The following GTF2IRD1 variants were observed in gnomAD, a reference collection of about 807,000 sequenced individuals.
GTF2IRD1 encodes GTF2I repeat domain containing 1.
In GTF2IRD1, 26 loss-of-function variants were observed where a neutral mutation model predicts 113.2. That is an observed-to-expected ratio of 0.23 (90% CI 0.17 to 0.32). The LOEUF is 0.32. Among genes scored for constraint, GTF2IRD1 ranks in the 10% least tolerant of loss-of-function variants. The pLI is 1.00. For synonymous variants in GTF2IRD1, 484 were observed against 529.1 expected, an observed-to-expected ratio of 0.91 and a Z score of 1.17; for missense variants, 864 against 1,280.8, an observed-to-expected ratio of 0.67 and a Z score of 4.97.
At chr7:74,594,450 A>G (rs1308668734) in intron 24 of GTF2IRD1, among the ~76,000 whole-genome samples, 10 of 152,262 alleles carry the variant, frequency 6.6e-5, no homozygotes, top group African/African-American at 2.2e-4. Flanking sequence ...ATTTCTGATC[A>G]CTTGGTCAGA....
At chr7:74,563,346 G>A (rs1274418765) in intron 22 of GTF2IRD1, among the ~76,000 whole-genome samples, 35 of 151,886 alleles carry the variant, frequency 2.3e-4, no homozygotes, top group Admixed American at 1.3e-4. Flanking sequence ...TTGGGAGGCC[G>A]AAGTAGGCAG....
At position 74,535,139 on chromosome 7, in the gene GTF2IRD1, G is replaced by A; in HGVS notation, c.1300+1G>A. Reference sequence around the variant, plus strand: ...ATGTTTGATGAGCGAATTTTCACAGGTATGTGGGGACCATCTAGTCCATTC... The same window carrying A: ...ATGTTTGATGAGCGAATTTTCACAGATATGTGGGGACCATCTAGTCCATTC... On this transcript the variant is annotated splice_donor_variant, in intron 10 of 26. Transcript: ENST00000424337. LOFTEE classifies it high-confidence loss of function. 1 of 1,611,766 alleles carries A rather than the reference G, an allele frequency of 6.2e-7. No homozygotes were observed.
intron 14 of GTF2IRD1, among the ~76,000 whole-genome samples, chr7:74,540,656 T>A (rs587763576): frequency 1.3e-5 from 2 of 151,564 alleles, no homozygotes; most frequent in Non-Finnish European, 2.9e-5. Context: ...AGTACGCAAA[T>A]AAGTAAAATA....
At chr7:74,535,687 G>A (rs587634622) in intron 10 of GTF2IRD1, among the ~76,000 whole-genome samples, 52 of 152,250 alleles carry the variant, frequency 3.4e-4, no homozygotes, top group Admixed American at 5.2e-4. Flanking sequence ...CCCCAGTTCC[G>A]GTCCCGCCTC....
chr7:74,575,363 G>C (rs1362229114), intron 22 of GTF2IRD1, among the ~76,000 whole-genome samples: 3 of 152,186 alleles, frequency 2.0e-5, no homozygotes, highest in East Asian at 1.9e-4. Context: ...GGAAGTGAGA[G>C]ATGAGATGGA....
chr7:74,532,623 G>T (rs1798030934), intron 9 of GTF2IRD1, among the ~76,000 whole-genome samples: 1 of 152,148 alleles, frequency 6.6e-6, no homozygotes. Context: ...GAGGAAGCAG[G>T]CCTCAGAAAG....
chr7:74,545,615 C>A, intron 15 of GTF2IRD1, 129 bp from the exon 16 acceptor site: 5 of 677,514 alleles, frequency 7.4e-6, no homozygotes, highest in East Asian at 2.6e-5. Context: ...AAGTTACCCA[C>A]CGCCCCAGCC....
intron 1 of GTF2IRD1, among the ~76,000 whole-genome samples, chr7:74,477,824 A>G (rs1420322728): frequency 1.3e-5 from 2 of 152,056 alleles, no homozygotes; most frequent in Non-Finnish European, 2.9e-5. Context: ...CCCACGAGTA[A>G]TGGGCTTTTT....
chr7:74,566,793 A>G (rs587594573), intron 22 of GTF2IRD1, among the ~76,000 whole-genome samples: 46 of 152,226 alleles, frequency 3.0e-4, no homozygotes, highest in African/African-American at 1.1e-3. Flanking sequence ...TTTGAACCTA[A>G]GTCTTTACCA....
At chr7:74,493,688 C>T (rs1554337289) in intron 1 of GTF2IRD1, among the ~76,000 whole-genome samples, 1 of 152,146 alleles carries the variant, frequency 6.6e-6, no homozygotes. Flanking sequence ...AAGATCCCAG[C>T]TGACCCACCT....
At chr7:74,488,109 T>C (rs1014860632) in intron 1 of GTF2IRD1, among the ~76,000 whole-genome samples, 1 of 152,122 alleles carries the variant, frequency 6.6e-6, no homozygotes, top group Non-Finnish European at 1.5e-5. Flanking sequence ...AGTGAGACCC[T>C]ATCTCTAAAA....
intron 1 of GTF2IRD1, among the ~76,000 whole-genome samples, chr7:74,505,180 C>T (rs10256685): frequency 0.073 from 11,146 of 152,168 alleles, 1,249 homozygotes; most frequent in African/African-American, 0.25. Flanking sequence ...CCACCGCACC[C>T]GGCCTCTGCC....
chr7:74,457,400 G>A (rs1554327673), intron 1 of GTF2IRD1, among the ~76,000 whole-genome samples: 1 of 152,178 alleles, frequency 6.6e-6, no homozygotes, highest in East Asian at 1.9e-4. Flanking sequence ...TCAAATACTT[G>A]TTAAATGGCT....
rs117680296 is a variant in GTF2IRD1, at chr7:74,551,650, G to A, written c.1917-3524G>A. Among the ~76,000 whole-genome samples, 305 of 151,818 alleles carry A rather than the reference G, an allele frequency of 2.0e-3. 11 individuals are homozygous for A. Among genetic ancestry groups the A allele is most frequent in the Non-Finnish European group, 2.2e-3 (146 of 67,904 alleles). On this transcript the variant is annotated intron_variant, in intron 17 of 26. Coordinates refer to ENST00000424337, the MANE Select transcript of GTF2IRD1 (RefSeq NM_005685.4). ...GCCAGCCAGGTGCATAAAGAGTGTG[G>A]GAGCAGGCCAGGCGTGGTGGCTCAC...
intron 1 of GTF2IRD1, among the ~76,000 whole-genome samples, chr7:74,465,934 T>G (rs1244158796): frequency 6.6e-6 from 1 of 152,140 alleles, no homozygotes; most frequent in East Asian, 1.9e-4. Flanking sequence ...CATGCCTGGC[T>G]AATTTTTTGT....
intron 1 of GTF2IRD1, among the ~76,000 whole-genome samples, chr7:74,478,847 G>A (rs1794574543): frequency 1.3e-5 from 2 of 151,394 alleles, no homozygotes; most frequent in South Asian, 4.2e-4. Flanking sequence ...CTGGGCCCAA[G>A]CAACCCTCCC....
At chr7:74,569,785 C>A (rs369358157) in intron 22 of GTF2IRD1, among the ~76,000 whole-genome samples, 2 of 151,996 alleles carry the variant, frequency 1.3e-5, no homozygotes, top group Admixed American at 6.6e-5. Flanking sequence ...GTGAAGAGGG[C>A]GGAAGGTTCC....
intron 10 of GTF2IRD1, among the ~76,000 whole-genome samples, chr7:74,535,792 C>T (rs587674617): frequency 2.6e-5 from 4 of 152,198 alleles, no homozygotes; most frequent in South Asian, 2.1e-4. Flanking sequence ...GCTCCTGGCA[C>T]GATGACATGA....
At chr7:74,489,143 A>G (rs1795185099) in intron 1 of GTF2IRD1, among the ~76,000 whole-genome samples, 3 of 151,974 alleles carry the variant, frequency 2.0e-5, no homozygotes, top group Non-Finnish European at 2.9e-5. Flanking sequence ...CTCCATCTCA[A>G]AAAGAAAAAA....
Sources: allele counts gnomAD v4.1 joint callset (sites outside exome capture counted in the v4.1 genomes callset), GRCh38; gene constraint gnomAD v4.1.1; transcripts MANE v1.5; gene names NCBI Gene and HGNC (gene_info 2026-07-23, HGNC 2026-07-21).